The following SARNP variants were observed in gnomAD, a reference collection of about 807,000 sequenced individuals.
The protein encoded by SARNP is SAP domain-containing ribonucleoprotein.
A neutral mutation model predicts 38.1 loss-of-function variants in SARNP; 5 were observed. That is an observed-to-expected ratio of 0.13 (90% CI 0.07 to 0.28). The LOEUF is 0.28. Ranked by LOEUF, SARNP falls within the 10% of genes least tolerant of loss-of-function variation. The pLI, the probability that SARNP is intolerant of heterozygous loss-of-function variation, is 1.00. For missense variants in SARNP, 180 were observed against 243.9 expected (o/e 0.74, Z 1.75); for synonymous variants, 84 against 80.6 (o/e 1.04, Z -0.23).
chr12:55,816,748 ACT>A (rs1880499557), intron 1 of SARNP, among the ~76,000 whole-genome samples: 1 of 152,248 alleles, frequency 6.6e-6, no homozygotes, highest in African/African-American at 2.4e-5. Flanking sequence ...AAAAGAAAAT[ACT>A]TTTTAAAATG....
intron 9 of SARNP, among the ~76,000 whole-genome samples, chr12:55,782,681 G>A (rs956536088): frequency 6.6e-6 from 1 of 152,034 alleles, no homozygotes; most frequent in African/African-American, 2.4e-5. Context: ...CGAGTTCCTA[G>A]GCTCAAGCAA....
chr12:55,785,734 C>A (rs1052623846), intron 9 of SARNP, among the ~76,000 whole-genome samples: 23 of 151,448 alleles, frequency 1.5e-4, no homozygotes, highest in African/African-American at 5.3e-4. Flanking sequence ...TGAGATCGCA[C>A]CATTGCACTC....
intron 1 of SARNP, among the ~76,000 whole-genome samples, chr12:55,810,000 T>C (rs1253004560): frequency 6.6e-6 from 1 of 152,230 alleles, no homozygotes; most frequent in Non-Finnish European, 1.5e-5. Flanking sequence ...TTAAATCTTA[T>C]TTTTCAGTAT....
chr12:55,817,114 C>G (rs1880512973), intron 1 of SARNP, among the ~76,000 whole-genome samples: 1 of 152,078 alleles, frequency 6.6e-6, no homozygotes, highest in Non-Finnish European at 1.5e-5. Context: ...AAGGCGAGAC[C>G]GATCTTCTGA....
Position 55,777,628 on chromosome 12 carries a change from C to A in SARNP, c.501+11447G>T, listed in dbSNP as rs1333818836. Among the ~76,000 whole-genome samples the A allele has an allele frequency of 9.2e-5, 14 of 152,272 alleles. No individual in the cohort carries two copies. In the East Asian group the frequency reaches 2.3e-3, roughly 25 times the overall value. On this transcript the variant is annotated intron_variant, in intron 9 of 10. Transcript: ENST00000336133. ...TGACCTCATGATCCACCTGCCTCGG[C>A]CTCCCTAAGTGCTGGTATTACAGGT...
downstream of SARNP, chr12:55,755,613 G>A (rs1039573897): frequency 3.9e-5 from 6 of 152,046 alleles, no homozygotes; most frequent in Non-Finnish European, 8.8e-5. Flanking sequence ...ATCTCCAAAC[G>A]GAATTACTAT....
intron 7 of SARNP, chr12:55,794,080 G>A: frequency 2.4e-6 from 1 of 416,938 alleles, no homozygotes; most frequent in Non-Finnish European, 4.3e-6. Context: ...TGAGACCCCA[G>A]AATAAGTAAG....
At chr12:55,784,796 C>T (rs1260043109) in intron 9 of SARNP, among the ~76,000 whole-genome samples, 1 of 152,144 alleles carries the variant, frequency 6.6e-6, no homozygotes, top group Non-Finnish European at 1.5e-5. Flanking sequence ...TTCTGGGACA[C>T]TGTGATGGTT....
At chr12:55,800,052 G>A (rs902077458) in intron 4 of SARNP, among the ~76,000 whole-genome samples, 1 of 151,786 alleles carries the variant, frequency 6.6e-6, no homozygotes. Flanking sequence ...CAGTCGGGCA[G>A]TAGTGGCACA....
chr12:55,782,062 G>A (rs1279573398), intron 9 of SARNP, among the ~76,000 whole-genome samples: 1 of 152,158 alleles, frequency 6.6e-6, no homozygotes, highest in Non-Finnish European at 1.5e-5. Context: ...GGAAAGAAGA[G>A]TGGCAAAAAT....
intron 1 of SARNP, among the ~76,000 whole-genome samples, chr12:55,808,156 G>A (rs1191778357): frequency 2.6e-5 from 4 of 152,066 alleles, no homozygotes; most frequent in African/African-American, 4.8e-5. Context: ...ATACTAGGAC[G>A]TTATTTTAAA....
intron 9 of SARNP, among the ~76,000 whole-genome samples, chr12:55,775,241 T>TAA (rs375018386): frequency 0.2 from 23,470 of 118,446 alleles, 4,647 homozygotes; most frequent in African/African-American, 0.51. Flanking sequence ...AGGTTAAAAT[T>TAA]AAAAAAAAAA....
At chr12:55,787,967 T>G (rs905600025) in intron 9 of SARNP, among the ~76,000 whole-genome samples, 2 of 151,886 alleles carry the variant, frequency 1.3e-5, no homozygotes, top group Non-Finnish European at 2.9e-5. Flanking sequence ...GCCAGGATGG[T>G]CTCAATCTCC....
chr12:55,790,560 T>G lies in SARNP; in HGVS notation c.432+7A>C. The G allele has an allele frequency of 6.4e-7, 1 of 1,559,250 alleles. No individual in the cohort carries two copies. Among genetic ancestry groups the G allele is most frequent in the Non-Finnish European group, 8.7e-7 (1 of 1,153,818 alleles). On this transcript the variant is annotated splice_region_variant and intron_variant, in intron 8 of 10. Transcript: ENST00000336133. ...GGGTGTGTAAGAAATAAAAAAAGAT[T>G]TCTTACCATAGGTTTGTTATCAGAT...
chr12:55,774,406 C>A (rs1248643910), intron 9 of SARNP, among the ~76,000 whole-genome samples: 1 of 151,762 alleles, frequency 6.6e-6, no homozygotes, highest in African/African-American at 2.4e-5. Flanking sequence ...AAACTCCCTA[C>A]CAATAATTAC....
rs371512033 is a variant in SARNP at position 55,774,534 on chromosome 12, G to T, written c.502-13894C>A. 1.5e-3 allele frequency among the ~76,000 whole-genome samples: 201 copies of T among 130,032 alleles called. 1 individual carries two copies. Among genetic ancestry groups the T allele is most frequent in the African/African-American group, 5.6e-3 (183 of 32,930 alleles). The allele number at this position is 130,032 out of a possible 152,430, so 85.3% of individuals were successfully genotyped here. A position where few individuals can be genotyped will look rare whatever the true frequency, so the allele number is the denominator to read the frequency against. On this transcript the variant is annotated intron_variant, in intron 9 of 10. Coordinates refer to ENST00000336133, the MANE Select transcript of SARNP (RefSeq NM_033082.4). The stretch of plus-strand genomic sequence containing the variant: ...TCAAGAGTTCAAGACCAGCCTAGCC[G>T]ACACGGTGAAACCCCGTCTCTACTG...
chr12:55,779,589 G>T (rs1167187402), intron 9 of SARNP, among the ~76,000 whole-genome samples: 1 of 152,032 alleles, frequency 6.6e-6, no homozygotes, highest in Non-Finnish European at 1.5e-5. Context: ...TTCCATGTTG[G>T]TAATATCCTA....
chr12:55,774,538 C>G (rs1278753951), intron 9 of SARNP, among the ~76,000 whole-genome samples: 3 of 128,076 alleles, frequency 2.3e-5, no homozygotes, highest in East Asian at 4.5e-4. Context: ...CTAGCCGACA[C>G]GGTGAAACCC....
chr12:55,772,962 G>A (rs549360907), intron 9 of SARNP, among the ~76,000 whole-genome samples: 38 of 152,196 alleles, frequency 2.5e-4, no homozygotes, highest in South Asian at 6.2e-4. Context: ...TGATCTGCCC[G>A]CCTCGGCCTC....
Sources: allele counts gnomAD v4.1 joint callset (sites outside exome capture counted in the v4.1 genomes callset), GRCh38; gene constraint gnomAD v4.1.1; transcripts MANE v1.5; gene names NCBI Gene and HGNC (gene_info 2026-07-23, HGNC 2026-07-21).